Variants in SON observed in about 807,000 individuals in gnomAD.
SON encodes protein SON.
SON carries 4 observed loss-of-function variants against 173.3 expected under a neutral mutation model. The ratio of observed to expected loss-of-function variants is 0.02; its 90% CI spans 0.01 to 0.05. SON has a LOEUF of 0.05. Ranked by LOEUF, SON falls within the 10% of genes least tolerant of loss-of-function variation. SON has a pLI of 1.00. For missense variants in SON, 2,626 were observed against 3,055.3 expected (o/e 0.86, Z 3.31); for synonymous variants, 1,190 against 1,105.9 (o/e 1.08, Z -1.51).
intron 1 of SON, among the ~76,000 whole-genome samples, chr21:33,544,045 G>A (rs981149151): frequency 6.6e-6 from 1 of 152,232 alleles, no homozygotes; most frequent in African/African-American, 2.4e-5. Context: ...TTTTGTATAA[G>A]ATACTCATTT....
chr21:33,572,650 G>GTT, intron 8 of SON: 1 of 1,259,138 alleles, frequency 7.9e-7, no homozygotes, highest in African/African-American at 1.5e-5. Flanking sequence ...CATTTAAGGA[G>GTT]TTTTTTAAAA....
chr21:33,561,672 A>G (rs1191033182), intron 6 of SON, among the ~76,000 whole-genome samples: 2 of 152,132 alleles, frequency 1.3e-5, no homozygotes, highest in Non-Finnish European at 2.9e-5. Context: ...TTTAGTACTC[A>G]GCCATTTTCA....
rs1342247324 is a variant in SON, at chr21:33,557,752, AG to A, written c.6321+437del. On this transcript the variant is annotated intron_variant, in intron 4 of 11. Transcript: ENST00000356577. Reference sequence around the variant, plus strand: ...CCGGAGCTTGGAAATTAATAAGAATAGCTGGCCATTGCCTGAAAGGAACTTC... The same window carrying A: ...CCGGAGCTTGGAAATTAATAAGAATACTGGCCATTGCCTGAAAGGAACTTC... 5.7e-6 allele frequency: 8 copies of A among 1,395,026 alleles called. No homozygotes were observed. In the Admixed American group the frequency reaches 2.5e-4, roughly 43 times the overall value. 86.4% of individuals were successfully genotyped at this position (1,395,026 alleles called of 1,614,324 possible). A position where few individuals can be genotyped will look rare whatever the true frequency, so the allele number is the denominator to read the frequency against.
In SON at chr21:33,553,582, G is replaced by A; in HGVS notation, c.4351G>A (p.Ala1451Thr). ...ATCGACTGTGACAGTTTCAGAGCCT[G>A]CTGTCACAGTCTCAGAGCAGACTCA... ...QESTVTVSEP[A>T]VTVSEQTQVI... The change falls in exon 3 of 12, where the codon GCT becomes ACT. Residue 1451 changes from alanine (A) to threonine (T), a missense_variant. By Grantham distance (58) the Ala-to-Thr change is moderately conservative. Coordinates refer to ENST00000356577, the MANE Select transcript of SON (RefSeq NM_138927.4). 1 of 1,614,106 alleles carries A rather than the reference G, an allele frequency of 6.2e-7. No homozygotes were observed.
At chr21:33,546,513 C>G (rs1231624125) in intron 2 of SON, 134 bp downstream of exon 2, 4 of 662,314 alleles carry the variant, frequency 6.0e-6, no homozygotes, top group Non-Finnish European at 9.7e-6. Flanking sequence ...GGTGCGATGG[C>G]TCACGCCTGT....
In SON at chr21:33,555,055, T is replaced by C. The variant is rs2085931428; in HGVS notation, c.5824T>C (p.Ser1942Pro). The stretch of plus-strand genomic sequence containing the variant: ...TCCAAGTCGTCGACGAAGGTCTAGA[T>C]CTGTGGGTAGAAGAAGGAGCTTTAG... ...HTPSRRRRSR[S>P]VGRRRSFSIS... is the part of the protein sequence containing the mutation. The change falls in exon 3 of 12, where the codon TCT becomes CCT. Residue 1942 changes from serine (S) to proline (P), a missense_variant. By Grantham distance (74) the Ser-to-Pro change is moderately conservative. Transcript: ENST00000356577. 6.2e-7 allele frequency: 1 copy of C among 1,611,684 alleles called. No homozygotes were observed. Among genetic ancestry groups the C allele is most frequent in the Non-Finnish European group, 8.5e-7 (1 of 1,179,592 alleles).
chr21:33,554,837 G>T lies in SON; in HGVS notation c.5606G>T (p.Arg1869Leu). Residue 1869 changes from arginine (R) to leucine (L), a missense_variant, in exon 3 of 12, where the codon CGC becomes CTC. Arg to Leu is a moderately radical substitution (Grantham distance 102). Transcript: ENST00000356577. ...SQTRSRSRSR[R>L]RRRSSRSRSK... ...ACACGTTCACGGTCACGTTCAAGAC[G>T]CAGGAGGAGAAGCAGCAGATCAAGA... The T allele has an allele frequency of 6.2e-7, 1 of 1,613,970 alleles. No individual in the cohort carries two copies. The highest frequency in any genetic ancestry group is 8.5e-7 in the Non-Finnish European group (1 of 1,180,028).
Position 33,550,588 on chromosome 21 carries a change from T to C in SON, c.1357T>C (p.Leu453=). 2 of 1,613,468 alleles carry C rather than the reference T, an allele frequency of 1.2e-6. No individual in the cohort carries two copies. Among genetic ancestry groups the C allele is most frequent in the Non-Finnish European group, 1.7e-6 (2 of 1,179,862 alleles). ...VTPVPQLSQE[L]PGLPAPSMGL... is the part of the protein sequence containing the mutation. ...ACCAGTGCCACAGTTGTCGCAGGAA[T>C]TGCCAGGGCTTCCAGCACCATCCAT... The change falls in exon 3 of 12, where the codon TTG becomes CTG. Residue 453 remains leucine (L), a synonymous_variant. Transcript: ENST00000356577.
rs2085751535 is a variant in SON at position 33,550,652 on chromosome 21, T to C, written c.1421T>C (p.Val474Ala). The change falls in exon 3 of 12, where the codon GTG (valine) becomes GCG (alanine). Residue 474 changes from valine to alanine, a missense_variant. Transcript: ENST00000356577. Reference protein sequence around the residue: ...EPPQEVPEPPVMAQELPGLPL... With the variant: ...EPPQEVPEPPAMAQELPGLPL... ...CCACAGGAGGTACCAGAGCCACCTG[T>C]GATGGCACAGGAGTTGCCAGGGCTG... is the stretch of plus-strand genomic sequence containing the variant. 6.2e-7 allele frequency: 1 copy of C among 1,613,452 alleles called. No homozygotes were observed.
chr21:33,565,566 A>G (rs1266307476), intron 6 of SON, among the ~76,000 whole-genome samples: 11 of 151,154 alleles, frequency 7.3e-5, no homozygotes, highest in African/African-American at 2.7e-4. Context: ...AAACAGACTT[A>G]AGTGAAAGAT....
At chr21:33,575,943 T>G (rs1454368910) in intron 11 of SON, 50 bp downstream of exon 11, 1 of 909,022 alleles carries the variant, frequency 1.1e-6, no homozygotes, top group South Asian at 1.6e-5. Flanking sequence ...ATGTGATGAC[T>G]TAGAGGGTGA....
intron 7 of SON, 101 bp downstream of exon 7, chr21:33,567,368 G>A (rs536322104): frequency 2.8e-6 from 2 of 710,036 alleles, no homozygotes; most frequent in African/African-American, 1.8e-5. Context: ...TAACTAGATG[G>A]TTGAGTTGTA....
chr21:33,547,797 C>G lies in SON; in HGVS notation c.244+1418C>G, dbSNP rs181822673. Among the ~76,000 whole-genome samples, 816 of 141,414 alleles carry G rather than the reference C, an allele frequency of 5.8e-3. 10 individuals are homozygous for G. Among genetic ancestry groups the G allele is most frequent in the African/African-American group, 0.021 (788 of 37,980 alleles). The allele number at this position is 141,414 out of a possible 152,430, so 92.8% of individuals were successfully genotyped here. A position where few individuals can be genotyped will look rare whatever the true frequency, so the allele number is the denominator to read the frequency against. On this transcript the variant is annotated intron_variant, in intron 2 of 11. Coordinates refer to ENST00000356577, the MANE Select transcript of SON (RefSeq NM_138927.4). ...TGGGGTGATCTCAGCTGACTGCAAGCTCCGCCTCCCGGGTTCACGCCATTG... is the reference window on the plus strand; with the variant it reads ...TGGGGTGATCTCAGCTGACTGCAAGGTCCGCCTCCCGGGTTCACGCCATTG...
In SON at chr21:33,554,106, A is replaced by G. The variant is rs1426182937; in HGVS notation, c.4875A>G (p.Lys1625=). 6.2e-7 allele frequency: 1 copy of G among 1,613,774 alleles called. No homozygotes were observed. The highest frequency in any genetic ancestry group is 1.3e-5 in the African/African-American group (1 of 74,934). Residue 1625 remains lysine (K), a synonymous_variant, in exon 3 of 12, where the codon AAA becomes AAG. Transcript: ENST00000356577. ...TTASTLSLVN[K]YDVDLSLTTQ... Reference sequence around the variant, plus strand: ...CATCTACTCTCAGTTTAGTTAATAAATATGATGTTGATTTATCTTTAACTA... The same window carrying G: ...CATCTACTCTCAGTTTAGTTAATAAGTATGATGTTGATTTATCTTTAACTA...
In SON at chr21:33,553,605, T is replaced by C; in HGVS notation, c.4374T>C (p.Thr1458=). 6.2e-7 allele frequency: 1 copy of C among 1,614,068 alleles called. No homozygotes were observed. Among genetic ancestry groups the C allele is most frequent in the Non-Finnish European group, 8.5e-7 (1 of 1,179,994 alleles). The change falls in exon 3 of 12, where the codon ACT becomes ACC. Residue 1458 remains threonine, a synonymous_variant. Transcript: ENST00000356577. Reference sequence around the variant, plus strand: ...CTGCTGTCACAGTCTCAGAGCAGACTCAAGTAATACCAACTGAGGTGGCTA... The same window carrying C: ...CTGCTGTCACAGTCTCAGAGCAGACCCAAGTAATACCAACTGAGGTGGCTA... ...SEPAVTVSEQ[T]QVIPTEVAIE...
At chr21:33,569,150 T>C in intron 8 of SON, 63 bp downstream of exon 8, 2 of 945,982 alleles carry the variant, frequency 2.1e-6, no homozygotes, top group African/African-American at 1.6e-5. Flanking sequence ...GGAAACTGTT[T>C]ATTAAAACTG....
chr21:33,550,726 G>C lies in SON; in HGVS notation c.1495G>C (p.Val499Leu), dbSNP rs368775619. ...VELPEQPAVTVAMELTEQPVT... is the reference protein window; with the variant it reads ...VELPEQPAVTLAMELTEQPVT... ...GTTGCCAGAGCAGCCTGCGGTAACA[G>C]TAGCAATGGAGTTGACCGAACAACC... The change falls in exon 3 of 12, where the codon GTA becomes CTA. Residue 499 changes from valine (V) to leucine (L), a missense_variant. Transcript: ENST00000356577. The C allele has an allele frequency of 6.2e-6, 10 of 1,614,082 alleles. No homozygotes were observed. The African/African-American group carries it at 1.3e-4, about 22-fold the overall frequency.
chr21:33,564,118 A>AT (rs1254939453), intron 6 of SON, among the ~76,000 whole-genome samples: 2 of 152,122 alleles, frequency 1.3e-5, no homozygotes, highest in Non-Finnish European at 2.9e-5. Flanking sequence ...CAGATTAAAG[A>AT]TTCTCTTTTT....
chr21:33,549,605 A>C lies in SON; in HGVS notation c.374A>C (p.Lys125Thr). 1.3e-6 allele frequency: 2 copies of C among 1,594,690 alleles called. No homozygotes were observed. The highest frequency in any genetic ancestry group is 2.2e-5 in the East Asian group (1 of 44,816). ...KNKKKKKKKE[K>T]EKKYKRQPEE... ...AAAAAGAAGAAAAAGAAGAAAGAAA[A>C]GGAAAAAAAATATAAAAGACAGCCA... is the stretch of plus-strand genomic sequence containing the variant. The change falls in exon 3 of 12, where the codon AAG (lysine) becomes ACG (threonine). Residue 125 changes from lysine to threonine, a missense_variant. Lys to Thr is a moderately conservative substitution (Grantham distance 78). This residue lies in a region of SON where 757 missense variants were observed against 730.1 expected (regional missense o/e 1.04). Coordinates refer to ENST00000356577, the MANE Select transcript of SON (RefSeq NM_138927.4).
Sources: gnomAD v4.1 joint callset for allele counts (sites outside exome capture counted in the v4.1 genomes callset) on GRCh38, gnomAD v4.1.1 for gene constraint, gnomAD v4.1.1 regional missense constraint, MANE v1.5 for transcripts, NCBI Gene and HGNC (gene_info 2026-07-23, HGNC 2026-07-21) for gene names.